Variants in RAVER2 observed in about 807,000 individuals in gnomAD.
The protein encoded by RAVER2 is ribonucleoprotein PTB-binding 2.
Under a neutral mutation model 78.1 loss-of-function variants are expected in RAVER2, and 46 were observed. That is an observed-to-expected ratio of 0.59 (90% CI 0.46 to 0.75). RAVER2 has a LOEUF of 0.75. Ranked by LOEUF, RAVER2 falls within the 30% of genes least tolerant of loss-of-function variation. The pLI is 0.00. For synonymous variants in RAVER2, 311 were observed against 313.3 expected, an observed-to-expected ratio of 0.99 and a Z score of 0.08; for missense variants, 793 against 837.5, an observed-to-expected ratio of 0.95 and a Z score of 0.66.
At chr1:64,777,918 G>C in exon 3 of RAVER2, 1 of 1,614,052 alleles carries the variant, frequency 6.2e-7, no homozygotes, top group Non-Finnish European at 8.5e-7. Flanking sequence ...TGGAGCTATT[G>C]GGTAGACAGT....
intron 1 of RAVER2, among the ~76,000 whole-genome samples, chr1:64,751,301 A>C (rs1351241166): frequency 6.6e-6 from 1 of 152,234 alleles, no homozygotes; most frequent in Non-Finnish European, 1.5e-5. Context: ...TAGTACGACA[A>C]CATCTAACAA....
intron 1 of RAVER2, among the ~76,000 whole-genome samples, chr1:64,765,855 TTTTAATCTATGA>T (rs1479751751): frequency 6.6e-6 from 1 of 152,242 alleles, no homozygotes; most frequent in Non-Finnish European, 1.5e-5. Flanking sequence ...AAGTAGTGTT[TTTTAATCTATGA>T]AAACATTTCT....
chr1:64,763,956 C>CACACACA (rs1570534772), intron 1 of RAVER2, among the ~76,000 whole-genome samples: 1 of 105,268 alleles, frequency 9.5e-6, no homozygotes, highest in Non-Finnish European at 2.0e-5. Flanking sequence ...ACACACACAC[C>CACACACA]CCTACCATGT....
At chr1:64,749,392 G>A (rs1651633342) in intron 1 of RAVER2, among the ~76,000 whole-genome samples, 1 of 152,034 alleles carries the variant, frequency 6.6e-6, no homozygotes, top group Non-Finnish European at 1.5e-5. Context: ...TGTGTTTTTA[G>A]TAGAGACAGG....
chr1:64,797,483 T>C (rs1249332143), intron 5 of RAVER2, among the ~76,000 whole-genome samples: 2 of 152,242 alleles, frequency 1.3e-5, no homozygotes, highest in African/African-American at 4.8e-5. Flanking sequence ...TATAATAAAA[T>C]ACAGTGATGA....
chr1:64,803,285 A>G (rs1379944406), intron 6 of RAVER2, among the ~76,000 whole-genome samples: 1 of 152,162 alleles, frequency 6.6e-6, no homozygotes, highest in East Asian at 1.9e-4. Flanking sequence ...TATTGATTCC[A>G]ATTTGTATGG....
At chr1:64,826,193 AGGGATAT>A (rs1653999710) in intron 11 of RAVER2, among the ~76,000 whole-genome samples, 1 of 152,272 alleles carries the variant, frequency 6.6e-6, no homozygotes, top group African/African-American at 2.4e-5. Context: ...TCTAGGCACT[AGGGATAT>A]GGCAATGAAC....
At chr1:64,772,650 G>A (rs956991810) in intron 2 of RAVER2, among the ~76,000 whole-genome samples, 19 of 152,156 alleles carry the variant, frequency 1.2e-4, no homozygotes, top group African/African-American at 3.9e-4. Flanking sequence ...ATGCATGGAC[G>A]AATTTGAAAA....
At chr1:64,747,936 A>T (rs1002750663) in intron 1 of RAVER2, among the ~76,000 whole-genome samples, 2 of 151,982 alleles carry the variant, frequency 1.3e-5, no homozygotes, top group Non-Finnish European at 2.9e-5. Context: ...AAACCCAATA[A>T]TTTTTTCTTA....
At chr1:64,811,701 C>T (rs1653612068) in intron 9 of RAVER2, among the ~76,000 whole-genome samples, 1 of 152,174 alleles carries the variant, frequency 6.6e-6, no homozygotes, top group Admixed American at 6.5e-5. Flanking sequence ...TAACATACAA[C>T]ATATGTGTTA....
intron 1 of RAVER2, among the ~76,000 whole-genome samples, chr1:64,759,357 C>T (rs1414820731): frequency 6.6e-6 from 1 of 151,128 alleles, no homozygotes; most frequent in Non-Finnish European, 1.5e-5. Context: ...GTAGCTGGAA[C>T]TACAAGGCGC....
At chr1:64,820,726 C>G (rs944363211) in intron 11 of RAVER2, among the ~76,000 whole-genome samples, 1 of 152,194 alleles carries the variant, frequency 6.6e-6, no homozygotes, top group African/African-American at 2.4e-5. Context: ...ATCCATGTTC[C>G]CACAAAAGAC....
At chr1:64,763,405 A>C (rs1158432192) in intron 1 of RAVER2, among the ~76,000 whole-genome samples, 1 of 152,230 alleles carries the variant, frequency 6.6e-6, no homozygotes, top group African/African-American at 2.4e-5. Context: ...TGGCATATTA[A>C]AAGGTCAGTA....
At chr1:64,831,293 A>C (rs575177862) in exon 12 of RAVER2, 2 of 199,684 alleles carry the variant, frequency 1.0e-5, no homozygotes, top group African/African-American at 2.3e-5. Context: ...GACACCATAT[A>C]TAAAAGAAGT....
intron 11 of RAVER2, chr1:64,816,416 C>T (rs1156986264): frequency 6.6e-6 from 1 of 152,044 alleles, no homozygotes; most frequent in East Asian, 1.9e-4. Context: ...GGGATTTGTT[C>T]TCTCTCTCGT....
intron 8 of RAVER2, among the ~76,000 whole-genome samples, chr1:64,805,309 TC>T (rs1383408859): frequency 6.6e-6 from 1 of 152,148 alleles, no homozygotes; most frequent in Non-Finnish European, 1.5e-5. Context: ...AGATAAGACT[TC>T]CCCTATTGGA....
At chr1:64,819,214 C>A (rs1160282757) in intron 11 of RAVER2, among the ~76,000 whole-genome samples, 1 of 151,742 alleles carries the variant, frequency 6.6e-6, no homozygotes, top group African/African-American at 2.4e-5. Flanking sequence ...AGACAATAAC[C>A]ATAAAACAGC....
chr1:64,831,670 T>C (rs1654136908), exon 12 of RAVER2: 1 of 152,210 alleles, frequency 6.6e-6, no homozygotes, highest in African/African-American at 2.4e-5. Flanking sequence ...ATAAAAGGGT[T>C]TGGCAAACTA....
At chr1:64,792,664 AGCTTT>A (rs1202927891) in intron 5 of RAVER2, among the ~76,000 whole-genome samples, 9 of 152,198 alleles carry the variant, frequency 5.9e-5, no homozygotes, top group Admixed American at 6.5e-5. Flanking sequence ...TCATAAGCAT[AGCTTT>A]TTCTTGTGTG....
Sources: gnomAD v4.1 joint callset for allele counts (sites outside exome capture counted in the v4.1 genomes callset) on GRCh38, gnomAD v4.1.1 for gene constraint, MANE v1.5 for transcripts, NCBI Gene and HGNC (gene_info 2026-07-23, HGNC 2026-07-21) for gene names.